Variants in ANKFN1 observed in about 807,000 individuals in gnomAD.
ANKFN1 encodes the protein ankyrin repeat and fibronectin type III domain containing 1, also known as ankyrin repeat and fibronectin type-III domain-containing protein 1.
Under a neutral mutation model 108.7 loss-of-function variants are expected in ANKFN1, and 74 were observed. The observed-to-expected ratio is 0.68, with a 90% CI of 0.56 to 0.83. The LOEUF (loss-of-function observed/expected upper bound fraction) is 0.83, where lower values mean the gene tolerates loss of function less well. Ranked by LOEUF, ANKFN1 falls within the 40% of genes least tolerant of loss-of-function variation. The pLI is 0.00. For synonymous variants in ANKFN1, 547 were observed against 516.2 expected (o/e 1.06, Z -0.81); for missense variants, 1,505 against 1,382.3 (o/e 1.09, Z -1.41).
chr17:56,424,128 A>G (rs1400545240), intron 8 of ANKFN1, among the ~76,000 whole-genome samples: 1 of 152,220 alleles, frequency 6.6e-6, no homozygotes, highest in East Asian at 1.9e-4. Context: ...CCCACAGGGT[A>G]GAAGGTGGGT....
chr17:56,327,335 G>C (rs1235977731), intron 4 of ANKFN1, among the ~76,000 whole-genome samples: 1 of 152,064 alleles, frequency 6.6e-6, no homozygotes, highest in African/African-American at 2.4e-5. Flanking sequence ...TCCATCTCTG[G>C]TGAACTCAGA....
chr17:56,084,736 C>A (rs956144079), intron 4 of ANKFN1, among the ~76,000 whole-genome samples: 2 of 151,226 alleles, frequency 1.3e-5, no homozygotes, highest in Non-Finnish European at 3.0e-5. Context: ...TCTGGAACTT[C>A]ATTTTACTAT....
intron 4 of ANKFN1, among the ~76,000 whole-genome samples, chr17:56,085,944 G>A (rs1905308194): frequency 6.6e-6 from 1 of 151,246 alleles, no homozygotes; most frequent in Non-Finnish European, 1.5e-5. Flanking sequence ...TTAGTTGTTA[G>A]AAGATGCAAA....
At chr17:56,329,303 G>A (rs1286572470) in intron 4 of ANKFN1, among the ~76,000 whole-genome samples, 1 of 152,072 alleles carries the variant, frequency 6.6e-6, no homozygotes, top group East Asian at 1.9e-4. Context: ...CACTGGTACT[G>A]ACTTACCAGT....
At chr17:56,113,349 G>A (rs929400486) in intron 4 of ANKFN1, among the ~76,000 whole-genome samples, 14 of 152,264 alleles carry the variant, frequency 9.2e-5, no homozygotes, top group African/African-American at 2.9e-4. Flanking sequence ...AAATGAGACC[G>A]TTTAAGCTCA....
At chr17:56,349,480 G>T (rs947016933) in intron 4 of ANKFN1, among the ~76,000 whole-genome samples, 2 of 151,942 alleles carry the variant, frequency 1.3e-5, no homozygotes, top group Non-Finnish European at 2.9e-5. Flanking sequence ...GTTAGTTTGT[G>T]CTAGCAGACA....
intron 10 of ANKFN1, among the ~76,000 whole-genome samples, chr17:56,443,306 T>C (rs1362503435): frequency 2.0e-5 from 3 of 152,060 alleles, no homozygotes; most frequent in Non-Finnish European, 4.4e-5. Flanking sequence ...TTCGAGGCTA[T>C]AGTGAGTTAA....
chr17:56,064,476 T>C (rs1328573157), intron 4 of ANKFN1, among the ~76,000 whole-genome samples: 8 of 152,196 alleles, frequency 5.3e-5, no homozygotes, highest in Non-Finnish European at 1.2e-4. Context: ...TGAGGAAGGA[T>C]GAGCCAGGGT....
In ANKFN1 at chr17:56,486,781, T is replaced by A. The variant is rs138867887; in HGVS notation, c.2260+4257T>A. On this transcript the variant is annotated intron_variant, in intron 18 of 20. Transcript: ENST00000682825. ...TTTAATAACCACATGGGAATTCTAA[T>A]GAAACTTAAAAAGGTGTGAATTATG... Among the ~76,000 whole-genome samples the A allele has an allele frequency of 3.3e-5, 5 of 152,364 alleles. No individual in the cohort carries two copies. In the East Asian group the frequency reaches 9.6e-4, roughly 29 times the overall value.
chr17:56,295,186 A>C (rs7220843), intron 3 of ANKFN1, among the ~76,000 whole-genome samples: 6,047 of 152,322 alleles, frequency 0.04, 394 homozygotes, highest in African/African-American at 0.14. Flanking sequence ...ATGTCATGAT[A>C]TGAAAGACTC....
intron 4 of ANKFN1, among the ~76,000 whole-genome samples, chr17:56,112,262 T>C (rs1300780082): frequency 1.3e-5 from 2 of 152,102 alleles, no homozygotes; most frequent in African/African-American, 4.8e-5. Flanking sequence ...GGGAGTTGAC[T>C]TACAGAAGGA....
rs868239880 is a variant in ANKFN1, at chr17:56,073,048, A to C, written c.288+26723A>C. ...CGCTCTGTCGCCCAGGCTGGAGTGC[A>C]GTGGCGGGATCTCGGCTCACTGCAA... On this transcript the variant is annotated intron_variant, in intron 4 of 12. Coordinates refer to the ANKFN1 transcript ENST00000635860. 2.0e-5 allele frequency among the ~76,000 whole-genome samples: 3 copies of C among 151,304 alleles called. No homozygotes were observed. In the East Asian group the frequency reaches 5.8e-4, roughly 29 times the overall value.
intron 4 of ANKFN1, among the ~76,000 whole-genome samples, chr17:56,120,352 A>G (rs1251965471): frequency 6.6e-6 from 1 of 152,038 alleles, no homozygotes; most frequent in Non-Finnish European, 1.5e-5. Flanking sequence ...CACCCTTCGG[A>G]CTTGATCTAT....
chr17:56,511,008 T>A lies in ANKFN1; in HGVS notation c.3180T>A (p.Asp1060Glu). ...AGCGGGCCGGCCCTGCCCTTGATGA[T>A]CCCAGGGGCCTAACTCTGGCCCACG... ...EAKRAGPALDDPRGLTLAHAA... is the reference protein window; with the variant it reads ...EAKRAGPALDEPRGLTLAHAA... Residue 1060 changes from aspartate (D) to glutamate (E), a missense_variant, in exon 21 of 21, where the codon GAT becomes GAA. Coordinates refer to ENST00000682825, the MANE Select transcript of ANKFN1 (RefSeq NM_001370326.1). 6.5e-7 allele frequency: 1 copy of A among 1,535,962 alleles called. No homozygotes were observed. Among genetic ancestry groups the A allele is most frequent in the Non-Finnish European group, 8.7e-7 (1 of 1,146,864 alleles).
At chr17:56,208,276 C>T (rs1475881018) in intron 1 of ANKFN1, among the ~76,000 whole-genome samples, 2 of 152,348 alleles carry the variant, frequency 1.3e-5, no homozygotes. Flanking sequence ...CTGCCTTGGC[C>T]TCCCAAAGTG....
chr17:56,288,596 A>C (rs2044278580), intron 3 of ANKFN1, among the ~76,000 whole-genome samples: 1 of 152,188 alleles, frequency 6.6e-6, no homozygotes. Flanking sequence ...GTGTGATTCC[A>C]CTATTTTGGA....
chr17:56,280,003 A>G (rs2044029957), intron 3 of ANKFN1, among the ~76,000 whole-genome samples: 1 of 141,842 alleles, frequency 7.1e-6, no homozygotes, highest in African/African-American at 3.0e-5. Flanking sequence ...GGAGCCACAT[A>G]ATGTCTTTTT....
chr17:56,157,738 C>T (rs1909249976), intron 1 of ANKFN1, among the ~76,000 whole-genome samples: 1 of 152,206 alleles, frequency 6.6e-6, no homozygotes, highest in South Asian at 2.1e-4. Flanking sequence ...TGATTACTTA[C>T]CTACCTCAAG....
chr17:56,317,704 C>T (rs983416184), intron 3 of ANKFN1, among the ~76,000 whole-genome samples: 5 of 152,096 alleles, frequency 3.3e-5, no homozygotes, highest in African/African-American at 1.2e-4. Context: ...ATGTGGTGGA[C>T]AATATGACAA....
Sources: gnomAD v4.1 joint callset for allele counts (sites outside exome capture counted in the v4.1 genomes callset) on GRCh38, gnomAD v4.1.1 for gene constraint, MANE v1.5 for transcripts, NCBI Gene and HGNC (gene_info 2026-07-23, HGNC 2026-07-21) for gene names.